The following SPINK2 variants were observed in gnomAD, a reference collection of about 807,000 sequenced individuals.
SPINK2 encodes serine peptidase inhibitor Kazal type 2, also known as serine protease inhibitor Kazal-type 2.
SPINK2 carries 8 observed loss-of-function variants against 13.5 expected under a neutral mutation model. That is an observed-to-expected ratio of 0.59 (90% confidence interval 0.35 to 1.07). The LOEUF (loss-of-function observed/expected upper bound fraction) is 1.07. Ranked by LOEUF, SPINK2 falls within the 50% of genes least tolerant of loss-of-function variation. The pLI, the probability that SPINK2 is intolerant of heterozygous loss-of-function variation, is 0.02. For synonymous variants in SPINK2, 76 were observed against 74.7 expected (o/e 1.02, Z -0.09); for missense variants, 148 against 180.3 (o/e 0.82, Z 1.03).
chr4:56,813,048 G>A (rs961449365), intron 2 of SPINK2, among the ~76,000 whole-genome samples: 27 of 152,130 alleles, frequency 1.8e-4, no homozygotes, highest in African/African-American at 3.6e-4. Context: ...AGAGCGGAGC[G>A]TGGTGGCTCA....
upstream of SPINK2, chr4:56,821,714 C>A (rs112950610): frequency 4.3e-6 from 6 of 1,392,506 alleles, no homozygotes; most frequent in African/African-American, 5.1e-5. Flanking sequence ...CTGCGCCACT[C>A]GCAGGGAGCG....
At chr4:56,819,864 C>T (rs1380944246) in intron 2 of SPINK2, among the ~76,000 whole-genome samples, 2 of 152,082 alleles carry the variant, frequency 1.3e-5, no homozygotes, top group African/African-American at 4.8e-5. Context: ...ATCTGCCCAC[C>T]TCGGCCTCCC....
intron 1 of SPINK2, among the ~76,000 whole-genome samples, chr4:56,820,913 A>G (rs1717885962): frequency 6.6e-6 from 1 of 152,200 alleles, no homozygotes; most frequent in South Asian, 2.1e-4. Flanking sequence ...CCTCTCCCCA[A>G]AAGCACATAG....
At chr4:56,820,694 C>T (rs979362527) in intron 1 of SPINK2, 115 bp from the exon 2 acceptor site, 2 of 830,856 alleles carry the variant, frequency 2.4e-6, no homozygotes, top group Non-Finnish European at 3.8e-6. Flanking sequence ...TGGTCTTGAC[C>T]TCCCGGGCTT....
At position 56,820,523 on chromosome 4, in the gene SPINK2, G is replaced by C. The variant is rs1170044751; in HGVS notation, c.249+13C>G. The C allele has an allele frequency of 6.2e-7, 1 of 1,604,774 alleles. No individual in the cohort carries two copies. Among genetic ancestry groups the C allele is most frequent in the South Asian group, 1.1e-5 (1 of 90,818 alleles). On this transcript the variant is annotated intron_variant, in intron 2 of 3. Transcript: ENST00000506738. ...TGTATTAGTAGAAACAGTAGAAGTG[G>C]TTTGCTACTTACCGTTCTATATTTT...
In SPINK2 at chr4:56,812,851, G is replaced by A. The variant is rs542971793; in HGVS notation, c.250-1057C>T. On this transcript the variant is annotated intron_variant, in intron 2 of 3. Transcript: ENST00000506738. Reference sequence around the variant, plus strand: ...GGAAATTGAGAATTGAAGCAAATTTGTGCCAAAGGAAAAATGTTCAAAACA... The same window carrying A: ...GGAAATTGAGAATTGAAGCAAATTTATGCCAAAGGAAAAATGTTCAAAACA... 2.6e-5 allele frequency among the ~76,000 whole-genome samples: 4 copies of A among 152,252 alleles called. No homozygotes were observed. The East Asian group carries it at 7.7e-4, about 29-fold the overall frequency.
chr4:56,814,561 G>A (rs1039395079), intron 2 of SPINK2, among the ~76,000 whole-genome samples: 5 of 151,962 alleles, frequency 3.3e-5, no homozygotes, highest in African/African-American at 9.6e-5. Context: ...AATGTCTACC[G>A]CAAGGAAATA....
chr4:56,821,840 A>T (rs13129213), upstream of SPINK2: 44,032 of 591,850 alleles, frequency 0.074, 2,215 homozygotes, highest in East Asian at 0.16. Context: ...CGGGAAGAGG[A>T]GCCGTGAAGG....
At position 56,809,923 on chromosome 4, in the gene SPINK2, G is replaced by A. The variant is rs1716840701; in HGVS notation, c.*216C>T. On this transcript the variant is annotated 3_prime_UTR_variant, in exon 4 of 4. Transcript: ENST00000506738. The stretch of plus-strand genomic sequence containing the variant: ...AATGCACAAGTCACCTGGGCAGTAA[G>A]CTTAACTCCAGGAGCAAAAGCCAAG... The A allele has an allele frequency of 3.0e-6, 4 of 1,324,080 alleles. No homozygotes were observed. The highest frequency in any genetic ancestry group is 4.0e-6 in the Non-Finnish European group (4 of 999,612). The allele number at this position is 1,324,080 out of a possible 1,614,324, so 82.0% of individuals were successfully genotyped here.
intron 1 of SPINK2, among the ~76,000 whole-genome samples, chr4:56,821,099 G>C (rs1324334413): frequency 6.6e-6 from 1 of 152,244 alleles, no homozygotes; most frequent in Non-Finnish European, 1.5e-5. Context: ...GGCCAAGGAA[G>C]TAACCCTTAA....
At chr4:56,819,860 C>T (rs1717784507) in intron 2 of SPINK2, among the ~76,000 whole-genome samples, 3 of 152,042 alleles carry the variant, frequency 2.0e-5, no homozygotes, top group African/African-American at 7.2e-5. Flanking sequence ...CGTGATCTGC[C>T]CACCTCGGCC....
In SPINK2 at chr4:56,812,829, A is replaced by C. The variant is rs868847148; in HGVS notation, c.250-1035T>G. 2.0e-5 allele frequency among the ~76,000 whole-genome samples: 3 copies of C among 152,156 alleles called. No homozygotes were observed. In the South Asian group the frequency reaches 6.2e-4, roughly 32 times the overall value. On this transcript the variant is annotated intron_variant, in intron 2 of 3. Transcript: ENST00000506738. ...ACCAAAAACATTAAAGAAAGCAGGA[A>C]ATTGAGAATTGAAGCAAATTTGTGC...
At chr4:56,814,987 A>G (rs1045376754) in intron 2 of SPINK2, among the ~76,000 whole-genome samples, 1 of 149,164 alleles carries the variant, frequency 6.7e-6, no homozygotes, top group Non-Finnish European at 1.5e-5. Flanking sequence ...AAAAAAACAA[A>G]GGCTGAGGCA....
At position 56,810,068 on chromosome 4, in the gene SPINK2, A is replaced by G; in HGVS notation, c.*71T>C. On this transcript the variant is annotated 3_prime_UTR_variant, in exon 4 of 4. Coordinates refer to ENST00000506738, the MANE Select transcript of SPINK2 (RefSeq NM_001271718.2). Reference sequence around the variant, plus strand: ...TAAAGAAACACAGGAAAAGAGAAAAAGGGGAAATGCAATTTATCTAGTCTG... The same window carrying G: ...TAAAGAAACACAGGAAAAGAGAAAAGGGGGAAATGCAATTTATCTAGTCTG... 1.3e-6 allele frequency: 2 copies of G among 1,542,426 alleles called. No individual in the cohort carries two copies. Among genetic ancestry groups the G allele is most frequent in the East Asian group, 4.8e-5 (2 of 41,572 alleles).
chr4:56,812,448 G>A lies in SPINK2; in HGVS notation c.250-654C>T, dbSNP rs376092209. On this transcript the variant is annotated intron_variant, in intron 2 of 3. Coordinates refer to ENST00000506738, the MANE Select transcript of SPINK2 (RefSeq NM_001271718.2). ...CGCATGCCTGTAATCCCAGCTACTC[G>A]GGAGACTGAGGCAGGAGAATCGAAT... Among the ~76,000 whole-genome samples the A allele has an allele frequency of 2.5e-3, 374 of 150,980 alleles. 1 individual carries two copies. Among genetic ancestry groups the A allele is most frequent in the African/African-American group, 8.9e-3 (365 of 41,220 alleles).
At chr4:56,815,777 C>CACACA (rs893143044) in intron 2 of SPINK2, among the ~76,000 whole-genome samples, 1 of 131,516 alleles carries the variant, frequency 7.6e-6, no homozygotes. Flanking sequence ...CACACACACA[C>CACACA]ACACACACAC....
chr4:56,814,425 C>T (rs960853842), intron 2 of SPINK2, among the ~76,000 whole-genome samples: 7 of 151,812 alleles, frequency 4.6e-5, no homozygotes, highest in South Asian at 4.1e-4. Context: ...ACAGATGTTA[C>T]GGGAGACACA....
chr4:56,818,630 C>T (rs528536602), intron 2 of SPINK2, among the ~76,000 whole-genome samples: 1 of 152,196 alleles, frequency 6.6e-6, no homozygotes, highest in African/African-American at 2.4e-5. Context: ...CCACTGCACT[C>T]CAGCCTGGAT....
chr4:56,812,157 G>C (rs1717040236), intron 2 of SPINK2, among the ~76,000 whole-genome samples: 1 of 150,638 alleles, frequency 6.6e-6, no homozygotes, highest in Admixed American at 6.6e-5. Flanking sequence ...GCCTCCCAAA[G>C]TGCTAGGATT....
Sources: gnomAD v4.1 joint callset for allele counts (sites outside exome capture counted in the v4.1 genomes callset) on GRCh38, gnomAD v4.1.1 for gene constraint, MANE v1.5 for transcripts, NCBI Gene and HGNC (gene_info 2026-07-23, HGNC 2026-07-21) for gene names.